The following ZNF385B variants were observed in gnomAD, a reference collection of about 807,000 sequenced individuals.
ZNF385B encodes the protein zinc finger protein 385B.
In ZNF385B, 23 loss-of-function variants were observed where a neutral mutation model predicts 39.2. That is an observed-to-expected ratio of 0.59 (90% CI 0.42 to 0.83). The LOEUF (loss-of-function observed/expected upper bound fraction) is 0.83, where lower values mean the gene tolerates loss of function less well. Ranked by LOEUF, ZNF385B falls within the 40% of genes least tolerant of loss-of-function variation. The pLI, the probability that ZNF385B is intolerant of heterozygous loss-of-function variation, is 0.00. For synonymous variants in ZNF385B, 205 were observed against 222.6 expected (o/e 0.92, Z 0.70); for missense variants, 552 against 598.9 (o/e 0.92, Z 0.82).
intron 3 of ZNF385B, among the ~76,000 whole-genome samples, chr2:179,620,415 T>C (rs1213499385): frequency 6.6e-6 from 1 of 152,138 alleles, no homozygotes; most frequent in African/African-American, 2.4e-5. Flanking sequence ...ATATCATATA[T>C]GAAAAAGTGC....
At chr2:179,451,872 T>A (rs554704714) in intron 6 of ZNF385B, among the ~76,000 whole-genome samples, 1 of 152,262 alleles carries the variant, frequency 6.6e-6, no homozygotes, top group African/African-American at 2.4e-5. Flanking sequence ...TACTGGTATT[T>A]TAAAAGCCTC....
intron 3 of ZNF385B, among the ~76,000 whole-genome samples, chr2:179,767,340 C>T (rs2106499434): frequency 6.6e-6 from 1 of 152,260 alleles, no homozygotes; most frequent in South Asian, 2.1e-4. Context: ...CCTTTCTATC[C>T]TTCTATGGTT....
At chr2:179,522,950 C>T (rs1209861292) in intron 4 of ZNF385B, 2 of 398,910 alleles carry the variant, frequency 5.0e-6, no homozygotes, top group Non-Finnish European at 1.0e-5. Flanking sequence ...AAGCAGTCAT[C>T]TGGAATTTTG....
chr2:179,548,988 C>A (rs1350536317), intron 3 of ZNF385B, among the ~76,000 whole-genome samples: 2 of 149,512 alleles, frequency 1.3e-5, no homozygotes, highest in Non-Finnish European at 3.0e-5. Context: ...TAGCTCCTGG[C>A]AACCACTAAT....
chr2:179,813,508 C>T (rs1048239574), intron 1 of ZNF385B, among the ~76,000 whole-genome samples: 3 of 152,028 alleles, frequency 2.0e-5, no homozygotes, highest in Non-Finnish European at 4.4e-5. Flanking sequence ...TACAAGTCAA[C>T]AAAAAACTAC....
chr2:179,831,170 C>A (rs1707963132), intron 1 of ZNF385B, among the ~76,000 whole-genome samples: 1 of 152,000 alleles, frequency 6.6e-6, no homozygotes, highest in African/African-American at 2.4e-5. Flanking sequence ...CTTTTCCAGG[C>A]AGTATCAGTA....
intron 3 of ZNF385B, among the ~76,000 whole-genome samples, chr2:179,596,991 T>C (rs1688051618): frequency 6.6e-6 from 1 of 152,224 alleles, no homozygotes; most frequent in Admixed American, 6.5e-5. Flanking sequence ...ACAATTCCAC[T>C]AAGCCTTTTT....
chr2:179,587,050 C>CA (rs960668517), intron 3 of ZNF385B, among the ~76,000 whole-genome samples: 1 of 151,762 alleles, frequency 6.6e-6, no homozygotes, highest in Non-Finnish European at 1.5e-5. Context: ...AAAAAACAAA[C>CA]AAAAAAAATT....
At chr2:179,632,028 A>G (rs1691272990) in intron 3 of ZNF385B, among the ~76,000 whole-genome samples, 1 of 152,154 alleles carries the variant, frequency 6.6e-6, no homozygotes, top group Admixed American at 6.5e-5. Context: ...TTTCAAGAGC[A>G]CCCAGAGACC....
intron 3 of ZNF385B, among the ~76,000 whole-genome samples, chr2:179,582,873 G>C (rs1394586594): frequency 6.6e-6 from 1 of 152,096 alleles, no homozygotes; most frequent in Non-Finnish European, 1.5e-5. Flanking sequence ...TTTTGAGATG[G>C]AGTTTCGCTG....
At position 179,567,041 on chromosome 2, in the gene ZNF385B, G is replaced by A. The variant is rs544035153; in HGVS notation, c.299-22072C>T. On this transcript the variant is annotated intron_variant, in intron 3 of 9. Transcript: ENST00000410066. The stretch of plus-strand genomic sequence containing the variant: ...GTGATTCTCCCTGCTTCCGCCTCCC[G>A]AGTAGCTGAGATTACAGGCACCAGC... 1.0e-4 allele frequency among the ~76,000 whole-genome samples: 15 copies of A among 150,342 alleles called. No homozygotes were observed. The East Asian group carries it at 1.8e-3, about 18-fold the overall frequency.
chr2:179,442,179 T>C lies in ZNF385B; in HGVS notation c.*1071A>G, dbSNP rs1052863374. 1 of 152,682 alleles carries C rather than the reference T, an allele frequency of 6.5e-6. No homozygotes were observed. Among genetic ancestry groups the C allele is most frequent in the Non-Finnish European group, 1.5e-5 (1 of 68,044 alleles). 9.5% of individuals were successfully genotyped at this position (152,682 alleles called of 1,614,324 possible). ...GAAAGGGGGGCATGGGAGCATGACC[T>C]GCAATATATTCAGCGAACAGAAAGA... On this transcript the variant is annotated 3_prime_UTR_variant, in exon 10 of 10. Transcript: ENST00000410066.
intron 3 of ZNF385B, among the ~76,000 whole-genome samples, chr2:179,706,900 T>C (rs186241269): frequency 2.5e-3 from 378 of 152,310 alleles, no homozygotes; most frequent in Non-Finnish European, 4.4e-3. Flanking sequence ...ATGGAGACCC[T>C]GGCTTGTTGG....
At chr2:179,502,523 C>T (rs988015037) in intron 5 of ZNF385B, among the ~76,000 whole-genome samples, 19 of 152,060 alleles carry the variant, frequency 1.2e-4, no homozygotes, top group African/African-American at 4.1e-4. Context: ...TAACACTTCC[C>T]CTTTCTCTTT....
intron 3 of ZNF385B, among the ~76,000 whole-genome samples, chr2:179,675,714 T>A (rs1350183702): frequency 6.6e-6 from 1 of 152,074 alleles, no homozygotes; most frequent in Non-Finnish European, 1.5e-5. Flanking sequence ...GTGCTTTGTG[T>A]CCAACTAGGA....
chr2:179,799,543 T>C (rs1705898869), intron 1 of ZNF385B, among the ~76,000 whole-genome samples: 1 of 152,000 alleles, frequency 6.6e-6, no homozygotes, highest in Non-Finnish European at 1.5e-5. Flanking sequence ...AAATTTATAA[T>C]AGAAATATTA....
At position 179,703,770 on chromosome 2, in the gene ZNF385B, A is replaced by T. The variant is rs73046847; in HGVS notation, c.298+65733T>A. Among the ~76,000 whole-genome samples the T allele has an allele frequency of 5.3e-3, 815 of 152,356 alleles. 6 individuals carry two copies. The highest frequency in any genetic ancestry group is 0.019 in the African/African-American group (782 of 41,576). On this transcript the variant is annotated intron_variant, in intron 3 of 9. Transcript: ENST00000410066. ...AACAAATATTGAGTGCCCACATATA[A>T]CTATTCTCAGAGATAAAATACATAG...
chr2:179,569,398 T>C (rs902811408), intron 3 of ZNF385B, among the ~76,000 whole-genome samples: 4 of 152,208 alleles, frequency 2.6e-5, no homozygotes, highest in African/African-American at 9.6e-5. Context: ...AATAAAGCTC[T>C]GAAATACTTC....
intron 1 of ZNF385B, among the ~76,000 whole-genome samples, chr2:179,795,655 T>G (rs1340629248): frequency 6.6e-6 from 1 of 152,160 alleles, no homozygotes; most frequent in African/African-American, 2.4e-5. Flanking sequence ...GAACCAACAC[T>G]TAAGAATTTA....
Sources: gnomAD v4.1 joint callset for allele counts (sites outside exome capture counted in the v4.1 genomes callset) on GRCh38, gnomAD v4.1.1 for gene constraint, MANE v1.5 for transcripts, NCBI Gene and HGNC (gene_info 2026-07-23, HGNC 2026-07-21) for gene names.